Variants in SYN3 observed in about 807,000 individuals in gnomAD.
SYN3 encodes the protein synapsin III, also known as synapsin-3.
Under a neutral mutation model 65.8 loss-of-function variants are expected in SYN3, and 35 were observed. That is an observed-to-expected ratio of 0.53 (90% CI 0.41 to 0.70). The LOEUF is 0.70. SYN3 is among the 30% of genes least tolerant of loss of function. The pLI, the probability that SYN3 is intolerant of heterozygous loss-of-function variation, is 0.00. For synonymous variants in SYN3, 270 were observed against 292.9 expected (o/e 0.92, Z 0.80); for missense variants, 680 against 749.0 (o/e 0.91, Z 1.08).
intron 6 of SYN3, among the ~76,000 whole-genome samples, chr22:32,814,099 G>A (rs1378389820): frequency 7.7e-6 from 1 of 130,538 alleles, no homozygotes; most frequent in Non-Finnish European, 1.6e-5. Flanking sequence ...GCCTTTCCAG[G>A]CAATACTCGT....
chr22:33,039,076 A>G (rs1302051458), intron 1 of SYN3, among the ~76,000 whole-genome samples: 1 of 152,150 alleles, frequency 6.6e-6, no homozygotes, highest in Non-Finnish European at 1.5e-5. Context: ...CATCCTCAAC[A>G]TTCTGAAGAT....
At chr22:33,033,190 C>T (rs1011210876) in intron 1 of SYN3, among the ~76,000 whole-genome samples, 5 of 151,910 alleles carry the variant, frequency 3.3e-5, no homozygotes, top group African/African-American at 7.3e-5. Context: ...CCATGTTGGC[C>T]GGCTTTCACC....
chr22:32,532,651 C>A (rs2058096287), intron 10 of SYN3, among the ~76,000 whole-genome samples: 1 of 135,846 alleles, frequency 7.4e-6, no homozygotes, highest in South Asian at 2.1e-4. Context: ...ACCCTCCTGG[C>A]ATGACTGGGC....
chr22:33,013,079 T>C (rs1016135836), intron 1 of SYN3, among the ~76,000 whole-genome samples: 7 of 152,224 alleles, frequency 4.6e-5, no homozygotes, highest in African/African-American at 1.7e-4. Context: ...GTTAAAATGT[T>C]AGGGTTGAAG....
intron 2 of SYN3, among the ~76,000 whole-genome samples, chr22:33,002,389 A>G (rs545299689): frequency 2.9e-4 from 44 of 152,332 alleles, no homozygotes; most frequent in Middle Eastern, 3.4e-3. Context: ...CACACCTGTA[A>G]TCTCAGCATT....
chr22:32,922,850 A>G (rs1011049787), intron 4 of SYN3, among the ~76,000 whole-genome samples: 1 of 152,154 alleles, frequency 6.6e-6, no homozygotes, highest in Non-Finnish European at 1.5e-5. Flanking sequence ...GGTCACCTCA[A>G]TGGAATCCTA....
chr22:32,711,775 C>T (rs1436273674), intron 6 of SYN3, among the ~76,000 whole-genome samples: 1 of 152,192 alleles, frequency 6.6e-6, no homozygotes, highest in Non-Finnish European at 1.5e-5. Flanking sequence ...GGACTTCTTA[C>T]CTAATTTTGT....
chr22:32,778,995 C>A (rs8142064), intron 6 of SYN3, among the ~76,000 whole-genome samples: 1 of 152,080 alleles, frequency 6.6e-6, no homozygotes, highest in African/African-American at 2.4e-5. Context: ...GGGGTTAGAA[C>A]GATGGCTCAA....
chr22:32,518,129 TGAGGCGAGGGTGGCACCTGGCTTG>T lies in SYN3; in HGVS notation c.1500_1523del (p.Lys501_Ser508del). On this transcript the variant is annotated inframe_deletion, in exon 13 of 14. Coordinates refer to ENST00000358763, the MANE Select transcript of SYN3 (RefSeq NM_003490.4). Reference sequence around the variant, plus strand: ...GGCCCTGCACAGGGGGCCGGGGCTGTGAGGCGAGGGTGGCACCTGGCTTGGAGGCCTGGTTTGGGGAGCTGCCAC... The same window carrying T: ...GGCCCTGCACAGGGGGCCGGGGCTGTGAGGCCTGGTTTGGGGAGCTGCCAC... 1 of 1,605,040 alleles carries T rather than the reference TGAGGCGAGGGTGGCACCTGGCTTG, an allele frequency of 6.2e-7. No individual in the cohort carries two copies. Among genetic ancestry groups the T allele is most frequent in the African/African-American group, 1.3e-5 (1 of 74,840 alleles).
chr22:32,602,556 GGTT>G (rs1258229522), intron 6 of SYN3, among the ~76,000 whole-genome samples: 14 of 152,156 alleles, frequency 9.2e-5, no homozygotes, highest in Non-Finnish European at 2.1e-4. Flanking sequence ...CCAACTCCCT[GGTT>G]CAAGCGATTC....
intron 6 of SYN3, among the ~76,000 whole-genome samples, chr22:32,804,851 C>A (rs2046683456): frequency 6.6e-6 from 1 of 152,216 alleles, no homozygotes; most frequent in African/African-American, 2.4e-5. Context: ...GGTCCCCCTC[C>A]CTGGCCAGTC....
At chr22:32,594,170 T>G (rs904130294) in intron 7 of SYN3, among the ~76,000 whole-genome samples, 1 of 151,580 alleles carries the variant, frequency 6.6e-6, no homozygotes, top group Non-Finnish European at 1.5e-5. Flanking sequence ...CATAGGATGA[T>G]GGTTAAAGAG....
intron 3 of SYN3, among the ~76,000 whole-genome samples, chr22:32,957,283 G>A (rs565312760): frequency 6.6e-6 from 1 of 152,310 alleles, no homozygotes; most frequent in East Asian, 1.9e-4. Context: ...AGTGAAAGGA[G>A]ATATTTCCTT....
chr22:33,036,957 C>A (rs1161117092), intron 1 of SYN3, among the ~76,000 whole-genome samples: 1 of 152,126 alleles, frequency 6.6e-6, no homozygotes, highest in Non-Finnish European at 1.5e-5. Flanking sequence ...TCCCAAAGTG[C>A]TGGGATTATA....
At chr22:32,553,208 C>T (rs1477194835) in intron 7 of SYN3, among the ~76,000 whole-genome samples, 1 of 152,206 alleles carries the variant, frequency 6.6e-6, no homozygotes, top group African/African-American at 2.4e-5. Context: ...ATGGGCTTTA[C>T]CGGGGACACA....
intron 6 of SYN3, among the ~76,000 whole-genome samples, chr22:32,814,141 T>A (rs2413157): frequency 0.7 from 67,957 of 97,342 alleles, 22,776 homozygotes; most frequent in African/African-American, 0.77. Flanking sequence ...TGTGTGTGTG[T>A]GAGAGAGAGA....
At chr22:32,653,237 G>C (rs2146961394) in intron 6 of SYN3, among the ~76,000 whole-genome samples, 1 of 150,368 alleles carries the variant, frequency 6.7e-6, no homozygotes, top group Admixed American at 6.7e-5. Context: ...TCCCAAACTG[G>C]ACAAATTTTC....
intron 6 of SYN3, among the ~76,000 whole-genome samples, chr22:32,720,984 A>G (rs2061110160): frequency 6.6e-6 from 1 of 152,144 alleles, no homozygotes; most frequent in South Asian, 2.1e-4. Context: ...CTTAGTACAC[A>G]CGTTCACATC....
At chr22:32,724,628 T>C (rs2061164761) in intron 6 of SYN3, among the ~76,000 whole-genome samples, 1 of 152,210 alleles carries the variant, frequency 6.6e-6, no homozygotes. Context: ...CAATAAAGTT[T>C]TTATTTTTTT....
Sources: gnomAD v4.1 joint callset for allele counts (sites outside exome capture counted in the v4.1 genomes callset) on GRCh38, gnomAD v4.1.1 for gene constraint, MANE v1.5 for transcripts, NCBI Gene and HGNC (gene_info 2026-07-23, HGNC 2026-07-21) for gene names.